The following ATP12A variants were observed in gnomAD, a reference collection of about 807,000 sequenced individuals.
ATP12A encodes potassium-transporting ATPase alpha chain 2.
A neutral mutation model predicts 111.2 loss-of-function variants in ATP12A; 81 were observed. That is an observed-to-expected ratio of 0.73 (90% confidence interval 0.61 to 0.88). The LOEUF (loss-of-function observed/expected upper bound fraction) is 0.88. Ranked by LOEUF, ATP12A falls within the 40% of genes least tolerant of loss-of-function variation. ATP12A has a pLI of 0.00. For synonymous variants in ATP12A, 498 were observed against 499.8 expected (o/e 1.00, Z 0.05); for missense variants, 1,196 against 1,313.1 (o/e 0.91, Z 1.38).
chr13:24,681,271 G>A lies in ATP12A; in HGVS notation c.10-291G>A, dbSNP rs961219507. On this transcript the variant is annotated intron_variant, in intron 1 of 22. Coordinates refer to ENST00000381946, the MANE Select transcript of ATP12A (RefSeq NM_001676.7). Reference sequence around the variant, plus strand: ...AGCTCCTTGGAGGCATCAGTCAGGAGTTGGGGGGGTAACTTCCCACCTGCT... The same window carrying A: ...AGCTCCTTGGAGGCATCAGTCAGGAATTGGGGGGGTAACTTCCCACCTGCT... Among the ~76,000 whole-genome samples, 12 of 152,122 alleles carry A rather than the reference G, an allele frequency of 7.9e-5. No homozygotes were observed. The East Asian group carries it at 1.9e-3, about 25-fold the overall frequency.
At chr13:24,681,440 G>A (rs1593128173) in intron 1 of ATP12A, 122 bp from the exon 2 acceptor site, 4 of 1,204,162 alleles carry the variant, frequency 3.3e-6, no homozygotes, top group Non-Finnish European at 3.5e-6. Context: ...CCTCCCCAGA[G>A]GAGGGAAGGA....
chr13:24,689,572 C>T (rs987986831), intron 5 of ATP12A, among the ~76,000 whole-genome samples, 197 bp downstream of exon 5: 2 of 152,212 alleles, frequency 1.3e-5, no homozygotes, highest in African/African-American at 4.8e-5. Context: ...CCACCCAGGG[C>T]AGTGCTGGTT....
rs1566073793 is a variant in ATP12A, at chr13:24,696,487, A to G, written c.1512+1909A>G. On this transcript the variant is annotated intron_variant, in intron 11 of 22. Transcript: ENST00000381946. ...TTTGGGAGGCCGAGGCGGGTGGATCATGAGGTCAGGAGATCGAGACCATCC... is the reference window on the plus strand; with the variant it reads ...TTTGGGAGGCCGAGGCGGGTGGATCGTGAGGTCAGGAGATCGAGACCATCC... Among the ~76,000 whole-genome samples the G allele has an allele frequency of 2.8e-5, 2 of 71,980 alleles. 1 individual carries two copies. Among genetic ancestry groups the G allele is most frequent in the Non-Finnish European group, 5.8e-5 (2 of 34,266 alleles). The allele number at this position is 71,980 out of a possible 152,430, so 47.2% of individuals were successfully genotyped here.
In ATP12A at chr13:24,685,385, G is replaced by A; in HGVS notation, c.228+12G>A. ...CAGACATCATTATGGTGAGTCGTGGGAACCAGGGATTTGGAAGAGAAGCCT... is the reference window on the plus strand; with the variant it reads ...CAGACATCATTATGGTGAGTCGTGGAAACCAGGGATTTGGAAGAGAAGCCT... On this transcript the variant is annotated intron_variant, in intron 3 of 22. Transcript: ENST00000381946. This position sits in a 1 kb window ranked among gnomAD's most constrained non-coding sequence, Gnocchi z 5.5. 1 of 1,613,538 alleles carries A rather than the reference G, an allele frequency of 6.2e-7. No individual in the cohort carries two copies. The highest frequency in any genetic ancestry group is 8.5e-7 in the Non-Finnish European group (1 of 1,179,442).
chr13:24,689,622 G>C (rs1400622390), intron 5 of ATP12A, among the ~76,000 whole-genome samples: 1 of 152,200 alleles, frequency 6.6e-6, no homozygotes, highest in Non-Finnish European at 1.5e-5. Flanking sequence ...CAGTGTTTGT[G>C]GATAGTCCTT....
chr13:24,689,396 C>T, intron 5 of ATP12A, 21 bp downstream of exon 5: 1 of 1,592,374 alleles, frequency 6.3e-7, no homozygotes, highest in Admixed American at 1.7e-5. Context: ...GCCACCTATC[C>T]TCTGGCCTCT....
chr13:24,707,043 CG>C lies in ATP12A; in HGVS notation c.2194del (p.Asp732MetfsTer9). On this transcript the variant is annotated frameshift_variant, in exon 16 of 23. Coordinates refer to ENST00000381946, the MANE Select transcript of ATP12A (RefSeq NM_001676.7). LOFTEE classifies it high-confidence loss of function. ...QRQDAVVAVT[G>X]DGVNDSPALK... ...CATAGGATGCTGTTGTTGCTGTGAC[CG>C]GGGATGGAGTTAATGACTCTCCGGC... is the stretch of plus-strand genomic sequence containing the variant. The C allele has an allele frequency of 6.2e-7, 1 of 1,607,736 alleles. No individual in the cohort carries two copies. The highest frequency in any genetic ancestry group is 2.2e-5 in the East Asian group (1 of 44,834).
intron 2 of ATP12A, among the ~76,000 whole-genome samples, chr13:24,683,149 G>A (rs1874544172): frequency 6.6e-6 from 1 of 152,074 alleles, no homozygotes; most frequent in African/African-American, 2.4e-5. Context: ...GTAGAGACGG[G>A]GTTTCCCCAT....
Position 24,694,479 on chromosome 13 carries a change from T to C in ATP12A, c.1413T>C (p.Leu471=), listed in dbSNP as rs1157660554. ...AVIGDASETA[L]LKFSEVILGD... ...TTGGAGATGCCTCAGAAACTGCTCTTTTAAAATTCTCAGAGGTCATTTTGG... is the reference window on the plus strand; with the variant it reads ...TTGGAGATGCCTCAGAAACTGCTCTCTTAAAATTCTCAGAGGTCATTTTGG... The change falls in exon 11 of 23, where the codon CTT becomes CTC. Residue 471 remains leucine, a synonymous_variant. Transcript: ENST00000381946. 1.2e-6 allele frequency: 2 copies of C among 1,614,020 alleles called. No homozygotes were observed. Among genetic ancestry groups the C allele is most frequent in the Non-Finnish European group, 1.7e-6 (2 of 1,180,022 alleles).
Position 24,707,154 on chromosome 13 carries a change from C to T in ATP12A, c.2301C>T (p.Asp767=), listed in dbSNP as rs562871425. The T allele has an allele frequency of 1.1e-4, 183 of 1,613,988 alleles. 1 individual carries two copies. The South Asian group carries it at 1.3e-3, about 12-fold the overall frequency. Residue 767 remains aspartate (D), a synonymous_variant, in exon 16 of 23, where the codon GAC becomes GAT. Transcript: ENST00000381946. ...ATGCAGCCGACATGGTCTTGCTGGA[C>T]GACAACTTCGCATCCATCGTCACAG... ...AKNAADMVLL[D]DNFASIVTGV...
At position 24,690,322 on chromosome 13, in the gene ATP12A, T is replaced by C. The variant is rs1240608099; in HGVS notation, c.547-16T>C. The stretch of plus-strand genomic sequence containing the variant: ...CTTCCAGGGTCTGAGGCATCTGTCA[T>C]GGTTTTTTTCTGCAGCAAGCTCTCG... On this transcript the variant is annotated splice_polypyrimidine_tract_variant and intron_variant, in intron 5 of 22. Transcript: ENST00000381946. 2 of 1,612,630 alleles carry C rather than the reference T, an allele frequency of 1.2e-6. No individual in the cohort carries two copies. The highest frequency in any genetic ancestry group is 1.3e-5 in the African/African-American group (1 of 74,632).
intron 11 of ATP12A, among the ~76,000 whole-genome samples, chr13:24,698,414 T>G (rs1405532312): frequency 1.3e-5 from 2 of 152,046 alleles, no homozygotes; most frequent in South Asian, 2.1e-4. Context: ...CGGCCACAAC[T>G]AGCCTGCCTA....
In ATP12A at chr13:24,693,646, C is replaced by T. The variant is rs772815084; in HGVS notation, c.1377+750C>T. On this transcript the variant is annotated intron_variant, in intron 10 of 22. Transcript: ENST00000381946. ...AAGTTGCACAAATCATGCTTGTTAA[C>T]TTCCACCCGTACCCAGCCTGGCTGC... is the stretch of plus-strand genomic sequence containing the variant. Among the ~76,000 whole-genome samples the T allele has an allele frequency of 2.0e-5, 3 of 152,224 alleles. 1 individual carries two copies. Among genetic ancestry groups the T allele is most frequent in the Non-Finnish European group, 4.4e-5 (3 of 68,046 alleles).
intron 12 of ATP12A, among the ~76,000 whole-genome samples, chr13:24,699,930 A>G (rs891233324): frequency 2.0e-5 from 3 of 152,246 alleles, no homozygotes; most frequent in African/African-American, 7.2e-5. Flanking sequence ...CAGATAAAGC[A>G]TATAAATGAG....
chr13:24,689,019 C>T (rs779706380), intron 4 of ATP12A, among the ~76,000 whole-genome samples: 2 of 151,948 alleles, frequency 1.3e-5, no homozygotes, highest in Non-Finnish European at 2.9e-5. Context: ...GCAGAGGGGC[C>T]GGAGGGATCT....
chr13:24,700,179 G>A (rs944144874), intron 12 of ATP12A, among the ~76,000 whole-genome samples: 5 of 152,090 alleles, frequency 3.3e-5, no homozygotes, highest in Admixed American at 1.3e-4. Context: ...AGGATGGCTC[G>A]GCCCCATTCC....
In ATP12A at chr13:24,685,471, C is replaced by A; in HGVS notation, c.228+98C>A. ...GGGCTGTGTGGAAGAGTAGCGGCAC[C>A]TTTAGGAGGAGGGGCCCCTGCAGCG... On this transcript the variant is annotated intron_variant, in intron 3 of 22. Coordinates refer to ENST00000381946, the MANE Select transcript of ATP12A (RefSeq NM_001676.7). The surrounding 1 kb of genome is among the most constrained non-coding windows in gnomAD (Gnocchi z 5.5). The A allele has an allele frequency of 7.7e-7, 1 of 1,301,602 alleles. No individual in the cohort carries two copies. Among genetic ancestry groups the A allele is most frequent in the Non-Finnish European group, 1.1e-6 (1 of 900,258 alleles). The allele number at this position is 1,301,602 out of a possible 1,614,324, so 80.6% of individuals were successfully genotyped here. A position where few individuals can be genotyped will look rare whatever the true frequency, so the allele number is the denominator to read the frequency against.
chr13:24,707,121 A>G lies in ATP12A; in HGVS notation c.2268A>G (p.Ala756=), dbSNP rs749766129. Reference sequence around the variant, plus strand: ...CCATGGGGATAGCAGGTTCTGATGCAGCCAAAAATGCAGCCGACATGGTCT... The same window carrying G: ...CCATGGGGATAGCAGGTTCTGATGCGGCCAAAAATGCAGCCGACATGGTCT... ...GIAMGIAGSD[A]AKNAADMVLL... is the part of the protein sequence containing the mutation. The change falls in exon 16 of 23, where the codon GCA becomes GCG. Residue 756 remains alanine, a synonymous_variant. Coordinates refer to ENST00000381946, the MANE Select transcript of ATP12A (RefSeq NM_001676.7). The G allele has an allele frequency of 1.7e-5, 27 of 1,614,190 alleles. 1 individual carries two copies. In the South Asian group the frequency reaches 2.9e-4, roughly 17 times the overall value.
At chr13:24,697,639 C>CAAA (rs67009964) in intron 11 of ATP12A, among the ~76,000 whole-genome samples, 209 of 96,814 alleles carry the variant, frequency 2.2e-3, no homozygotes, top group African/African-American at 7.1e-3. Flanking sequence ...GACCCCGTCT[C>CAAA]AAAAAAAAAA....
Sources: gnomAD v4.1 joint callset for allele counts (sites outside exome capture counted in the v4.1 genomes callset) on GRCh38, gnomAD v4.1.1 for gene constraint, Gnocchi (gnomAD v3.1) non-coding constraint, MANE v1.5 for transcripts, NCBI Gene and HGNC (gene_info 2026-07-23, HGNC 2026-07-21) for gene names.